Variants in SOX5 observed in about 807,000 individuals in gnomAD.
The protein encoded by SOX5 is transcription factor SOX-5.
SOX5 carries 9 observed loss-of-function variants against 92.0 expected under a neutral mutation model. The ratio of observed to expected loss-of-function variants is 0.10; its 90% confidence interval spans 0.06 to 0.17. The LOEUF is 0.17. Among genes scored for constraint, SOX5 ranks in the 10% least tolerant of loss-of-function variants. The probability of loss-of-function intolerance (pLI) is 1.00; values close to 1 mark genes in which losing one functional copy is unlikely to be tolerated. For missense variants in SOX5, 642 were observed against 944.5 expected (o/e 0.68, Z 4.20); for synonymous variants, 344 against 336.3 (o/e 1.02, Z -0.25).
intron 4 of SOX5, among the ~76,000 whole-genome samples, chr12:23,988,370 G>A (rs1406574883): frequency 6.6e-6 from 1 of 152,154 alleles, no homozygotes; most frequent in African/African-American, 2.4e-5. Context: ...ACTAGTAAGA[G>A]TCAGCAAGGA....
chr12:24,523,519 A>G lies in SOX5; in HGVS notation c.-251+38810T>C, dbSNP rs183667933. Among the ~76,000 whole-genome samples the G allele has an allele frequency of 9.7e-4, 148 of 152,368 alleles. 1 individual carries two copies. In the Middle Eastern group the frequency reaches 0.031, roughly 32 times the overall value. ...AGAAAGCTATGGCAATGAGAACAGT[A>G]TGCTACTGGCATAAAAATAGACATG... On this transcript the variant is annotated intron_variant, in intron 1 of 4. Transcript: ENST00000446891.
At chr12:24,149,090 A>T (rs759936173) in intron 4 of SOX5, among the ~76,000 whole-genome samples, 2 of 152,158 alleles carry the variant, frequency 1.3e-5, no homozygotes, top group Non-Finnish European at 2.9e-5. Context: ...TTCAAAATGG[A>T]TCACAGACCT....
At chr12:24,003,646 A>G (rs1232617313) in intron 4 of SOX5, among the ~76,000 whole-genome samples, 6 of 152,108 alleles carry the variant, frequency 3.9e-5, no homozygotes, top group Non-Finnish European at 5.9e-5. Flanking sequence ...GAGAGAAATT[A>G]AAGAACCAAA....
At chr12:23,924,414 C>T (rs16915574) in intron 1 of SOX5, among the ~76,000 whole-genome samples, 56,712 of 151,764 alleles carry the variant, frequency 0.37, 11,116 homozygotes, top group Non-Finnish European at 0.44. Context: ...TATGGGAAGC[C>T]AGATTTACAA....
intron 6 of SOX5, among the ~76,000 whole-genome samples, chr12:23,724,360 G>A (rs930262567): frequency 1.2e-4 from 19 of 152,066 alleles, no homozygotes. Flanking sequence ...CTGAATTCTT[G>A]TGCTAATAAT....
At chr12:24,439,474 C>A (rs1940085846) in intron 1 of SOX5, among the ~76,000 whole-genome samples, 1 of 152,218 alleles carries the variant, frequency 6.6e-6, no homozygotes, top group African/African-American at 2.4e-5. Flanking sequence ...CTTTCCCAGT[C>A]TTCCCAGCTC....
chr12:24,116,495 C>A (rs188503967), intron 4 of SOX5, among the ~76,000 whole-genome samples: 3 of 151,986 alleles, frequency 2.0e-5, no homozygotes, highest in Admixed American at 6.6e-5. Flanking sequence ...ATAACCTTCC[C>A]GGAGTAGTCT....
At chr12:24,442,524 C>T (rs1437480031) in intron 1 of SOX5, among the ~76,000 whole-genome samples, 2 of 152,154 alleles carry the variant, frequency 1.3e-5, no homozygotes, top group Non-Finnish European at 2.9e-5. Flanking sequence ...GAGCAGAGAG[C>T]GGGTGCGGTT....
chr12:23,536,408 A>G (rs1565605770), intron 14 of SOX5, 45 bp downstream of exon 14: 3 of 1,429,602 alleles, frequency 2.1e-6, no homozygotes, highest in East Asian at 2.3e-5. Context: ...CATTAAGTAT[A>G]ACAGGAAGTT....
At chr12:24,455,197 G>A (rs1840894384) in intron 1 of SOX5, among the ~76,000 whole-genome samples, 1 of 152,164 alleles carries the variant, frequency 6.6e-6, no homozygotes, top group Admixed American at 6.5e-5. Flanking sequence ...TTGCACAGGA[G>A]AAACACATAG....
chr12:23,571,162 T>C (rs1351202251), intron 10 of SOX5, among the ~76,000 whole-genome samples: 1 of 149,070 alleles, frequency 6.7e-6, no homozygotes, highest in Non-Finnish European at 1.5e-5. Context: ...CAAATAATAA[T>C]AATAATAATA....
chr12:24,414,965 T>G (rs1964766397), intron 1 of SOX5, among the ~76,000 whole-genome samples: 1 of 152,114 alleles, frequency 6.6e-6, no homozygotes, highest in African/African-American at 2.4e-5. Context: ...CCAATGCAAA[T>G]TATATTTCTT....
chr12:24,247,475 G>C (rs1055394888), intron 3 of SOX5, among the ~76,000 whole-genome samples: 1 of 151,952 alleles, frequency 6.6e-6, no homozygotes, highest in African/African-American at 2.4e-5. Context: ...CCCAGGAATA[G>C]GAGAGAACTT....
chr12:24,152,398 G>T (rs2138848941), intron 4 of SOX5, among the ~76,000 whole-genome samples: 1 of 152,238 alleles, frequency 6.6e-6, no homozygotes, highest in East Asian at 1.9e-4. Context: ...ATGACCCTCA[G>T]AGTGGGGTGT....
chr12:23,911,437 G>A (rs2097350753), intron 1 of SOX5, among the ~76,000 whole-genome samples: 2 of 152,096 alleles, frequency 1.3e-5, no homozygotes, highest in South Asian at 4.1e-4. Context: ...ACTACAGCAT[G>A]TCTTCATGTT....
At chr12:24,313,197 GC>G (rs1949362450) in intron 2 of SOX5, among the ~76,000 whole-genome samples, 1 of 152,032 alleles carries the variant, frequency 6.6e-6, no homozygotes, top group Non-Finnish European at 1.5e-5. Context: ...AAATGATCTA[GC>G]TCAAATATCA....
intron 4 of SOX5, among the ~76,000 whole-genome samples, chr12:23,957,131 G>C (rs889907127): frequency 6.6e-6 from 1 of 152,042 alleles, no homozygotes; most frequent in African/African-American, 2.4e-5. Context: ...ACTATTACTT[G>C]TAGTTGACAG....
At chr12:23,954,629 C>T (rs2139919464), upstream of SOX5, among the ~76,000 whole-genome samples, 1 of 152,068 alleles carries the variant, frequency 6.6e-6, no homozygotes, top group Admixed American at 6.5e-5. Context: ...ATTCTATAGC[C>T]TATCTTCTTT....
At chr12:24,293,437 C>T (rs948011122) in intron 2 of SOX5, among the ~76,000 whole-genome samples, 2 of 152,180 alleles carry the variant, frequency 1.3e-5, no homozygotes, top group African/African-American at 4.8e-5. Flanking sequence ...TAAACTATTA[C>T]ATTCTGTCCC....
Sources: allele counts gnomAD v4.1 joint callset (sites outside exome capture counted in the v4.1 genomes callset), GRCh38; gene constraint gnomAD v4.1.1; transcripts MANE v1.5; gene names NCBI Gene and HGNC (gene_info 2026-07-23, HGNC 2026-07-21).